CSNK1G2: variants seen among roughly 807,000 people sequenced by gnomAD.
CSNK1G2 encodes the protein casein kinase I isoform gamma-2.
CSNK1G2 carries 11 observed loss-of-function variants against 48.0 expected under a neutral mutation model. That is an observed-to-expected ratio of 0.23 (90% confidence interval 0.14 to 0.38). The LOEUF (loss-of-function observed/expected upper bound fraction) is 0.38. CSNK1G2 is among the 10% of genes least tolerant of loss of function. The pLI is 1.00. For missense variants in CSNK1G2, 446 were observed against 595.5 expected, an observed-to-expected ratio of 0.75 and a Z score of 2.61; for synonymous variants, 337 against 254.1, an observed-to-expected ratio of 1.33 and a Z score of -3.10.
At position 1,957,219 on chromosome 19, in the gene CSNK1G2, C is replaced by T. The variant is rs1487293801; in HGVS notation, c.-265-12289C>T. Among the ~76,000 whole-genome samples the T allele has an allele frequency of 1.3e-5, 2 of 152,214 alleles. No individual in the cohort carries two copies. The highest frequency in any genetic ancestry group is 1.9e-4 in the East Asian group (1 of 5,192). On this transcript the variant is annotated intron_variant, in intron 1 of 11. Transcript: ENST00000255641. This position sits in a 1 kb window ranked among gnomAD's most constrained non-coding sequence, Gnocchi z 5.4. ...GCAGCCCCACAGGCCCGAGGGCCAC[C>T]GTGTCAGGAGGGATAGCCTACACGG... is the stretch of plus-strand genomic sequence containing the variant.
intron 1 of CSNK1G2, among the ~76,000 whole-genome samples, chr19:1,962,662 C>T (rs985048559): frequency 6.6e-6 from 1 of 152,116 alleles, no homozygotes; most frequent in Admixed American, 6.6e-5. Flanking sequence ...GACCCTGTCT[C>T]AAAACAAACA....
chr19:1,976,157 G>C, intron 2 of CSNK1G2: 5 of 1,208,262 alleles, frequency 4.1e-6, no homozygotes, highest in Non-Finnish European at 5.5e-6. Context: ...GGTGTTTGGG[G>C]CACGGCTCCT....
At chr19:1,976,292 C>G (rs550881970) in intron 2 of CSNK1G2, among the ~76,000 whole-genome samples, 112 of 152,190 alleles carry the variant, frequency 7.4e-4, no homozygotes, top group African/African-American at 2.6e-3. Flanking sequence ...AGGGGTTGCC[C>G]TGGTCCCTGG....
intron 2 of CSNK1G2, among the ~76,000 whole-genome samples, chr19:1,971,249 G>C (rs1056805757): frequency 6.6e-6 from 1 of 152,216 alleles, no homozygotes; most frequent in African/African-American, 2.4e-5. Flanking sequence ...GTTGCACCCA[G>C]GGCCCCAGGA....
chr19:1,970,287 C>T (rs965721527), intron 2 of CSNK1G2, among the ~76,000 whole-genome samples: 5 of 152,272 alleles, frequency 3.3e-5, no homozygotes, highest in South Asian at 2.1e-4. Context: ...CATGTGCACG[C>T]TGGGCGAAGC....
intron 2 of CSNK1G2, among the ~76,000 whole-genome samples, chr19:1,977,586 C>G (rs2145593502): frequency 6.6e-6 from 1 of 152,238 alleles, no homozygotes; most frequent in Middle Eastern, 3.4e-3. Flanking sequence ...AACCCCGTCT[C>G]TACTAAAAAT....
chr19:1,948,887 A>G (rs1406249149), intron 1 of CSNK1G2, among the ~76,000 whole-genome samples: 1 of 152,220 alleles, frequency 6.6e-6, no homozygotes, highest in Non-Finnish European at 1.5e-5. Flanking sequence ...TCTCACAGTG[A>G]GGGAAGCTGG....
Position 1,980,351 on chromosome 19 carries a change from C to A in CSNK1G2, c.*148C>A, listed in dbSNP as rs547239345. The A allele has an allele frequency of 7.4e-6, 7 of 945,510 alleles. No homozygotes were observed. Among genetic ancestry groups the A allele is most frequent in the Non-Finnish European group, 1.2e-5 (7 of 607,940 alleles). The allele number at this position is 945,510 out of a possible 1,614,324, so 58.6% of individuals were successfully genotyped here. A position where few individuals can be genotyped will look rare whatever the true frequency, so the allele number is the denominator to read the frequency against. On this transcript the variant is annotated 3_prime_UTR_variant, in exon 12 of 12. Coordinates refer to ENST00000255641, the MANE Select transcript of CSNK1G2 (RefSeq NM_001319.7). Reference sequence around the variant, plus strand: ...CAGACTGCAGGGGCCGCGCCTGGCTCAGGCGGCCCCACCCCCGGGACGTGG... The same window carrying A: ...CAGACTGCAGGGGCCGCGCCTGGCTAAGGCGGCCCCACCCCCGGGACGTGG...
intron 1 of CSNK1G2, among the ~76,000 whole-genome samples, chr19:1,949,199 C>T (rs942027594): frequency 5.3e-5 from 8 of 152,242 alleles, no homozygotes; most frequent in Non-Finnish European, 1.2e-4. Flanking sequence ...TTCTCATCAC[C>T]TGCAAAGGGA....
intron 1 of CSNK1G2, among the ~76,000 whole-genome samples, chr19:1,961,005 G>A (rs974632922): frequency 2.6e-5 from 4 of 152,234 alleles, no homozygotes; most frequent in African/African-American, 4.8e-5. Flanking sequence ...GTGTGGGCCG[G>A]TGTGCGGCGG....
At chr19:1,953,930 G>A (rs554449586) in intron 1 of CSNK1G2, 11 of 534,004 alleles carry the variant, frequency 2.1e-5, no homozygotes, top group African/African-American at 1.3e-4. Flanking sequence ...CTCCGGTGCA[G>A]TCGGCGCGGT....
rs779700928 is a variant in CSNK1G2 at position 1,979,528 on chromosome 19, G to T, written c.887G>T (p.Arg296Leu). 6.2e-6 allele frequency: 10 copies of T among 1,607,434 alleles called. No homozygotes were observed. In the Admixed American group the frequency reaches 1.7e-4, roughly 27 times the overall value. The change falls in exon 9 of 12, where the codon CGC becomes CTC. Residue 296 changes from arginine to leucine, a missense_variant. Coordinates refer to ENST00000255641, the MANE Select transcript of CSNK1G2 (RefSeq NM_001319.7). ...GCCACGTACCTGCGCTATGTGCGGC[G>T]CCTGGACTTCTTCGAGAAGCCCGAC... ...EMATYLRYVR[R>L]LDFFEKPDYD...
intron 1 of CSNK1G2, among the ~76,000 whole-genome samples, chr19:1,948,129 AC>A (rs1195608112): frequency 6.6e-6 from 1 of 151,990 alleles, no homozygotes; most frequent in Non-Finnish European, 1.5e-5. Flanking sequence ...TTGATCCTGC[AC>A]CGGAGGGAGC....
intron 1 of CSNK1G2, among the ~76,000 whole-genome samples, chr19:1,966,560 G>A (rs901749438): frequency 1.1e-4 from 17 of 152,176 alleles, no homozygotes; most frequent in Admixed American, 4.6e-4. Flanking sequence ...GGAACAGCCC[G>A]GAACCTCGGT....
At chr19:1,961,515 G>A (rs1411747635) in intron 1 of CSNK1G2, among the ~76,000 whole-genome samples, 2 of 152,258 alleles carry the variant, frequency 1.3e-5, no homozygotes, top group African/African-American at 4.8e-5. Flanking sequence ...GTGGTCCCAG[G>A]AGCTGGGCCT....
At chr19:1,946,290 T>TTTATTTATTTATTTATTTA (rs1555678394) in intron 1 of CSNK1G2, among the ~76,000 whole-genome samples, 56 of 69,196 alleles carry the variant, frequency 8.1e-4, no homozygotes, top group Middle Eastern at 9.8e-3. Flanking sequence ...TTATTTATTT[T>TTTATTTATTTATTTATTTA]TTATTTATTT....
In CSNK1G2 at chr19:1,946,289, T is replaced by TATTTATTATTTATTTATTTA. The variant is rs56098852; in HGVS notation, c.-266+4871_-266+4872insATTTATTATTTATTTATTTA. 2.7e-3 allele frequency among the ~76,000 whole-genome samples: 392 copies of TATTTATTATTTATTTATTTA among 143,836 alleles called. 3 individuals are homozygous for TATTTATTATTTATTTATTTA. Among genetic ancestry groups the TATTTATTATTTATTTATTTA allele is most frequent in the South Asian group, 0.027 (119 of 4,410 alleles). The allele number at this position is 143,836 out of a possible 152,430, so 94.4% of individuals were successfully genotyped here. On this transcript the variant is annotated intron_variant, in intron 1 of 11. Coordinates refer to ENST00000255641, the MANE Select transcript of CSNK1G2 (RefSeq NM_001319.7). ...TCGTTTATTTATTTATTTATTTATT[T>TATTTATTATTTATTTATTTA]TTTATTTATTTATTTTTTTTAAGAT... is the stretch of plus-strand genomic sequence containing the variant.
chr19:1,943,308 G>C (rs930973527), intron 1 of CSNK1G2, among the ~76,000 whole-genome samples: 4 of 152,168 alleles, frequency 2.6e-5, no homozygotes, highest in Non-Finnish European at 5.9e-5. Context: ...TAGTTCCTCT[G>C]AAGAGGATGA....
chr19:1,948,554 A>C (rs78182153), intron 1 of CSNK1G2, among the ~76,000 whole-genome samples: 2 of 142,296 alleles, frequency 1.4e-5, no homozygotes, highest in Non-Finnish European at 3.0e-5. Flanking sequence ...AAAAAAAAAA[A>C]GATCCCGTCA....
Sources: allele counts gnomAD v4.1 joint callset (sites outside exome capture counted in the v4.1 genomes callset), GRCh38; gene constraint gnomAD v4.1.1; non-coding constraint Gnocchi (gnomAD v3.1); transcripts MANE v1.5; gene names NCBI Gene and HGNC (gene_info 2026-07-23, HGNC 2026-07-21).